The following RIMS1 variants were observed in gnomAD, a reference collection of about 807,000 sequenced individuals.
The protein encoded by RIMS1 is regulating synaptic membrane exocytosis 1.
RIMS1 carries 83 observed loss-of-function variants against 214.1 expected under a neutral mutation model. The observed-to-expected ratio is 0.39, with a 90% confidence interval of 0.32 to 0.47. The LOEUF (loss-of-function observed/expected upper bound fraction) is 0.47, where lower values mean the gene tolerates loss of function less well. RIMS1 is among the 20% of genes least tolerant of loss of function. The pLI is 0.99. For synonymous variants in RIMS1, 793 were observed against 786.8 expected (o/e 1.01, Z -0.13); for missense variants, 2,050 against 2,161.8 (o/e 0.95, Z 1.03).
chr6:72,324,001 GAAAT>G (rs771342522), intron 28 of RIMS1, among the ~76,000 whole-genome samples: 1 of 150,422 alleles, frequency 6.6e-6, no homozygotes, highest in Non-Finnish European at 1.5e-5. Flanking sequence ...TATCTTTCAG[GAAAT>G]AAATAAATGA....
At chr6:72,386,842 T>A (rs2098614057) in intron 29 of RIMS1, among the ~76,000 whole-genome samples, 1 of 148,718 alleles carries the variant, frequency 6.7e-6, no homozygotes, top group South Asian at 2.2e-4. Flanking sequence ...CACGCCATTC[T>A]CCTGCCTGAG....
chr6:72,246,240 C>T (rs2069621354), intron 11 of RIMS1, among the ~76,000 whole-genome samples: 1 of 152,104 alleles, frequency 6.6e-6, no homozygotes, highest in Non-Finnish European at 1.5e-5. Context: ...AGTGAAGAAA[C>T]TAGGTAGACA....
At chr6:72,327,723 A>G (rs1049700003) in intron 28 of RIMS1, among the ~76,000 whole-genome samples, 2 of 151,802 alleles carry the variant, frequency 1.3e-5, no homozygotes, top group Non-Finnish European at 2.9e-5. Flanking sequence ...TTTAAAGTAG[A>G]ATATCATTGT....
intron 2 of RIMS1, among the ~76,000 whole-genome samples, chr6:72,030,551 A>G (rs1239803951): frequency 2.0e-5 from 3 of 152,114 alleles, no homozygotes; most frequent in Non-Finnish European, 4.4e-5. Context: ...ATAGGCCATC[A>G]TTTATTTCTA....
intron 6 of RIMS1, among the ~76,000 whole-genome samples, chr6:72,218,157 TTGAG>T (rs1467031975): frequency 2.0e-5 from 3 of 150,772 alleles, no homozygotes; most frequent in Non-Finnish European, 4.4e-5. Context: ...CAAATAGGCA[TTGAG>T]TAAGTTTGAG....
chr6:72,390,708 A>G lies in RIMS1; in HGVS notation c.4477A>G (p.Ser1493Gly). The change falls in exon 30 of 34, where the codon AGC (serine) becomes GGC (glycine). Residue 1493 changes from serine (S) to glycine (G), a missense_variant. Transcript: ENST00000521978. ...GCCGAGCCGAGAGTCTACTGATGGCAGCATCAACAGTTACAGCTCTGAGGG... is the reference window on the plus strand; with the variant it reads ...GCCGAGCCGAGAGTCTACTGATGGCGGCATCAACAGTTACAGCTCTGAGGG... ...RQPSRESTDG[S>G]INSYSSEGNL... is the part of the protein sequence containing the mutation. 2 of 1,613,916 alleles carry G rather than the reference A, an allele frequency of 1.2e-6. No homozygotes were observed. Among genetic ancestry groups the G allele is most frequent in the Non-Finnish European group, 1.7e-6 (2 of 1,179,796 alleles).
intron 4 of RIMS1, among the ~76,000 whole-genome samples, chr6:72,146,045 A>T (rs1280444778): frequency 2.0e-5 from 3 of 152,344 alleles, no homozygotes. Context: ...TGAGAAACAA[A>T]GGATCAGCAA....
chr6:72,218,107 C>CTT (rs145835882), intron 6 of RIMS1, among the ~76,000 whole-genome samples: 135,525 of 145,070 alleles, frequency 0.93, 63,720 homozygotes, highest in South Asian at 0.99. Context: ...GGTTTTTTTG[C>CTT]TTTTTTTTTT....
At chr6:71,923,000 C>T (rs1325056564) in intron 1 of RIMS1, among the ~76,000 whole-genome samples, 1 of 152,056 alleles carries the variant, frequency 6.6e-6, no homozygotes, top group Non-Finnish European at 1.5e-5. Flanking sequence ...TGGCTGGCAC[C>T]CAAGATCTGC....
intron 29 of RIMS1, among the ~76,000 whole-genome samples, chr6:72,389,471 T>C (rs1048518669): frequency 6.6e-6 from 1 of 152,174 alleles, no homozygotes; most frequent in Non-Finnish European, 1.5e-5. Context: ...ATATCTTTGA[T>C]TAGACAATTT....
intron 16 of RIMS1, among the ~76,000 whole-genome samples, chr6:72,256,759 G>A (rs1156523157): frequency 6.6e-6 from 1 of 150,878 alleles, no homozygotes; most frequent in Non-Finnish European, 1.5e-5. Flanking sequence ...TCTCTTTCTA[G>A]CCTTAATATT....
intron 28 of RIMS1, among the ~76,000 whole-genome samples, chr6:72,328,527 A>G (rs80149878): frequency 0.015 from 2,259 of 151,910 alleles, 55 homozygotes; most frequent in African/African-American, 0.051. Flanking sequence ...TCAAAAATTA[A>G]AACTTATTTT....
intron 1 of RIMS1, among the ~76,000 whole-genome samples, chr6:71,903,760 G>GTGT (rs1562159864): frequency 1.3e-5 from 2 of 148,348 alleles, no homozygotes; most frequent in African/African-American, 4.9e-5. Flanking sequence ...GTGTGTGTGT[G>GTGT]TTTTTTTTTT....
chr6:72,272,900 A>G (rs1214342803), intron 22 of RIMS1, among the ~76,000 whole-genome samples: 1 of 152,206 alleles, frequency 6.6e-6, no homozygotes, highest in East Asian at 1.9e-4. Context: ...AGTGAAAAGA[A>G]ACTTTTTAAA....
chr6:72,396,737 A>G (rs1308321230), intron 31 of RIMS1, among the ~76,000 whole-genome samples: 2 of 152,146 alleles, frequency 1.3e-5, no homozygotes, highest in Non-Finnish European at 2.9e-5. Context: ...CTTAGGCTGG[A>G]CACGGTGGCT....
rs964538616 is a variant in RIMS1 at position 72,291,948 on chromosome 6, G to A, written c.3752G>A (p.Arg1251Lys). ...TTTGCCTGCAGAATGCACCGACAGA[G>A]AAGTCCAACACAATCTCCTCCAGCA... is the stretch of plus-strand genomic sequence containing the variant. The part of the protein sequence containing the change: ...SPLLTRMHRQ[R>K]SPTQSPPADT... Residue 1251 changes from arginine (R) to lysine (K), a missense_variant, in exon 26 of 34, where the codon AGA becomes AAA. Transcript: ENST00000521978. 6.4e-7 allele frequency: 1 copy of A among 1,559,738 alleles called. No individual in the cohort carries two copies. Among genetic ancestry groups the A allele is most frequent in the Non-Finnish European group, 8.7e-7 (1 of 1,151,884 alleles).
At chr6:72,073,180 A>AG (rs974760417) in intron 2 of RIMS1, among the ~76,000 whole-genome samples, 1 of 152,020 alleles carries the variant, frequency 6.6e-6, no homozygotes. Context: ...TGCCATTTTT[A>AG]GGGGGTTTTG....
In RIMS1 at chr6:71,913,821, C is replaced by T. The variant is rs565305900; in HGVS notation, c.164+26634C>T. On this transcript the variant is annotated intron_variant, in intron 1 of 33. Transcript: ENST00000521978. Reference sequence around the variant, plus strand: ...TCTCTCCTCAACTCCTGAGGACACCCCTGGGCAAATGGGGCTACACAGCTG... The same window carrying T: ...TCTCTCCTCAACTCCTGAGGACACCTCTGGGCAAATGGGGCTACACAGCTG... Among the ~76,000 whole-genome samples, 38 of 152,172 alleles carry T rather than the reference C, an allele frequency of 2.5e-4. 1 individual carries two copies. The South Asian group carries it at 7.9e-3, about 32-fold the overall frequency.
At chr6:71,993,490 G>A (rs1311577554) in intron 2 of RIMS1, among the ~76,000 whole-genome samples, 1 of 152,106 alleles carries the variant, frequency 6.6e-6, no homozygotes, top group Non-Finnish European at 1.5e-5. Flanking sequence ...GGTGTGATTG[G>A]CATCTTAAAT....
Sources: gnomAD v4.1 joint callset for allele counts (sites outside exome capture counted in the v4.1 genomes callset) on GRCh38, gnomAD v4.1.1 for gene constraint, MANE v1.5 for transcripts, NCBI Gene and HGNC (gene_info 2026-07-23, HGNC 2026-07-21) for gene names.